The following RAB15 variants were observed in gnomAD, a reference collection of about 807,000 sequenced individuals.
RAB15 encodes RAB15, member RAS oncogene family.
Under a neutral mutation model 31.8 loss-of-function variants are expected in RAB15, and 13 were observed. The observed-to-expected ratio is 0.41, with a 90% CI of 0.27 to 0.65. RAB15 has a LOEUF of 0.65. Ranked by LOEUF, RAB15 falls within the 30% of genes least tolerant of loss-of-function variation. The pLI is 0.32. For missense variants in RAB15, 220 were observed against 277.3 expected (o/e 0.79, Z 1.47); for synonymous variants, 100 against 105.6 (o/e 0.95, Z 0.33).
Position 64,947,967 on chromosome 14 carries a change from A to C in RAB15, c.*387T>G. Reference sequence around the variant, plus strand: ...GGAGGGGAGGGGTCAGAGAAAGAGAAGTGGGGGAAGAGAGAAAAAGCAGAG... The same window carrying C: ...GGAGGGGAGGGGTCAGAGAAAGAGACGTGGGGGAAGAGAGAAAAAGCAGAG... On this transcript the variant is annotated 3_prime_UTR_variant, in exon 7 of 7. Transcript: ENST00000533601. The surrounding 1 kb of genome is among the most constrained non-coding windows in gnomAD (Gnocchi z 5.6). 1.6e-5 allele frequency: 3 copies of C among 182,568 alleles called. No homozygotes were observed. The highest frequency in any genetic ancestry group is 2.3e-5 in the African/African-American group (1 of 42,786). The allele number at this position is 182,568 out of a possible 1,614,324, so 11.3% of individuals were successfully genotyped here.
rs1015763910 is a variant in RAB15 at position 64,947,100 on chromosome 14, A to T, written c.*1254T>A. On this transcript the variant is annotated 3_prime_UTR_variant, in exon 7 of 7. Transcript: ENST00000533601. This position sits in a 1 kb window ranked among gnomAD's most constrained non-coding sequence, Gnocchi z 5.6. ...AGGGCCTTCCTTCTCTCTTCCCATGAAGTCTTTGCCCTTCTCCCATAAACT... is the reference window on the plus strand; with the variant it reads ...AGGGCCTTCCTTCTCTCTTCCCATGTAGTCTTTGCCCTTCTCCCATAAACT... 10 of 152,584 alleles carry T rather than the reference A, an allele frequency of 6.6e-5. No individual in the cohort carries two copies. The highest frequency in any genetic ancestry group is 2.2e-4 in the African/African-American group (9 of 41,424). The allele number at this position is 152,584 out of a possible 1,614,324, so 9.5% of individuals were successfully genotyped here. A position where few individuals can be genotyped will look rare whatever the true frequency, so the allele number is the denominator to read the frequency against.
In RAB15 at chr14:64,954,278, G is replaced by T. The variant is rs1886422205; in HGVS notation, c.125-1707C>A. The T allele has an allele frequency of 1.0e-6, 1 of 985,256 alleles. No homozygotes were observed. Among genetic ancestry groups the T allele is most frequent in the Non-Finnish European group, 1.2e-6 (1 of 829,928 alleles). 61.0% of individuals were successfully genotyped at this position (985,256 alleles called of 1,614,324 possible). A position where few individuals can be genotyped will look rare whatever the true frequency, so the allele number is the denominator to read the frequency against. On this transcript the variant is annotated intron_variant, in intron 1 of 6. Coordinates refer to ENST00000533601, the MANE Select transcript of RAB15 (RefSeq NM_001308154.2). The surrounding 1 kb of genome is among the most constrained non-coding windows in gnomAD (Gnocchi z 4.3). ...AAGGGAGGAAGGAGAGAAGCATCAG[G>T]CCTTGGGAAGCAGGAGTATGCTTAT...
intron 1 of RAB15, among the ~76,000 whole-genome samples, chr14:64,964,099 C>T (rs7145705): frequency 0.067 from 10,182 of 152,128 alleles, 1,121 homozygotes; most frequent in African/African-American, 0.23. Context: ...TATTATTCAA[C>T]AAAGTAGAGT....
intron 1 of RAB15, among the ~76,000 whole-genome samples, chr14:64,966,548 TAAAA>T (rs1887151955): frequency 6.6e-6 from 1 of 151,630 alleles, no homozygotes; most frequent in Non-Finnish European, 1.5e-5. Flanking sequence ...AATAAATAAA[TAAAA>T]TAATAATAAT....
rs1885938747 is a variant in RAB15, at chr14:64,946,690, A to G, written c.*1664T>C. Reference sequence around the variant, plus strand: ...AGGAAGTGAGGTTCTTATCCTTCACATATGAGTGCCCTGGATTTTGGTTCT... The same window carrying G: ...AGGAAGTGAGGTTCTTATCCTTCACGTATGAGTGCCCTGGATTTTGGTTCT... On this transcript the variant is annotated 3_prime_UTR_variant, in exon 7 of 7. Transcript: ENST00000533601. 6.6e-6 allele frequency: 1 copy of G among 152,202 alleles called. No individual in the cohort carries two copies. The highest frequency in any genetic ancestry group is 6.5e-5 in the Admixed American group (1 of 15,290). 9.4% of individuals were successfully genotyped at this position (152,202 alleles called of 1,614,324 possible).
Position 64,946,633 on chromosome 14 carries a change from TG to T in RAB15, c.*1720del, listed in dbSNP as rs1352717506. 1 of 152,240 alleles carries T rather than the reference TG, an allele frequency of 6.6e-6. No individual in the cohort carries two copies. Among genetic ancestry groups the T allele is most frequent in the African/African-American group, 2.4e-5 (1 of 41,456 alleles). 9.4% of individuals were successfully genotyped at this position (152,240 alleles called of 1,614,324 possible). On this transcript the variant is annotated 3_prime_UTR_variant, in exon 7 of 7. Coordinates refer to ENST00000533601, the MANE Select transcript of RAB15 (RefSeq NM_001308154.2). ...TGGTAAGTCAGGAGGAAAGGTTTGA[TG>T]GTTCTTTCCCCACTTCTTTTTGGAG...
chr14:64,959,146 G>C (rs1419279239), intron 1 of RAB15, among the ~76,000 whole-genome samples: 1 of 152,216 alleles, frequency 6.6e-6, no homozygotes, highest in East Asian at 1.9e-4. Context: ...AAGCGGAGAG[G>C]CCTAAGGATG....
In RAB15 at chr14:64,952,612, C is replaced by T. The variant is rs779224852; in HGVS notation, c.125-41G>A. ...AAGAAAGAAAGTTAGAAAGCGTACC[C>T]ACGAGAAATGAACAGGAAAGGGCCA... On this transcript the variant is annotated intron_variant, in intron 1 of 6. Transcript: ENST00000533601. The surrounding 1 kb of genome is among the most constrained non-coding windows in gnomAD (Gnocchi z 4.2). The T allele has an allele frequency of 4.1e-6, 6 of 1,462,576 alleles. No homozygotes were observed. Among genetic ancestry groups the T allele is most frequent in the Admixed American group, 1.7e-5 (1 of 58,106 alleles). 90.6% of individuals were successfully genotyped at this position (1,462,576 alleles called of 1,614,324 possible).
chr14:64,964,756 T>A (rs1434632810), intron 1 of RAB15, among the ~76,000 whole-genome samples: 1 of 151,812 alleles, frequency 6.6e-6, no homozygotes, highest in African/African-American at 2.4e-5. Context: ...TTTGTATTTT[T>A]AGTAGAGATG....
chr14:64,950,866 A>T lies in RAB15; in HGVS notation c.324+208T>A. ...TGGAACTAATTCATTTCCGGGAAAG[A>T]CACAGCCGTGGAGGCCTGGCAGGGT... On this transcript the variant is annotated intron_variant, in intron 4 of 6. Transcript: ENST00000533601. This position sits in a 1 kb window ranked among gnomAD's most constrained non-coding sequence, Gnocchi z 5.6. 4.2e-6 allele frequency: 4 copies of T among 962,512 alleles called. No homozygotes were observed. The Admixed American group carries it at 6.8e-5, about 16-fold the overall frequency. The allele number at this position is 962,512 out of a possible 1,614,324, so 59.6% of individuals were successfully genotyped here.
rs570212117 is a variant in RAB15 at position 64,968,152 on chromosome 14, T to A, written c.124+3801A>T. Among the ~76,000 whole-genome samples the A allele has an allele frequency of 3.3e-5, 5 of 152,292 alleles. No individual in the cohort carries two copies. In the South Asian group the frequency reaches 8.3e-4, roughly 25 times the overall value. ...AAAAACAATGAGGAATAAGATTTGG[T>A]CGCACCATCAAGGCACTTATAATTT... On this transcript the variant is annotated intron_variant, in intron 1 of 6. Transcript: ENST00000533601. This position sits in a 1 kb window ranked among gnomAD's most constrained non-coding sequence, Gnocchi z 4.9.
Position 64,950,926 on chromosome 14 carries a change from C to T in RAB15, c.324+148G>A, listed in dbSNP as rs1023579727. 10 of 1,580,654 alleles carry T rather than the reference C, an allele frequency of 6.3e-6. No homozygotes were observed. The highest frequency in any genetic ancestry group is 7.8e-6 in the Non-Finnish European group (9 of 1,153,324). ...GAGGGCATGGCAGCTTCGGTTTCTT[C>T]CCCATGTCTTACTCACCCAGAGGTC... On this transcript the variant is annotated intron_variant, in intron 4 of 6. Transcript: ENST00000533601. This position sits in a 1 kb window ranked among gnomAD's most constrained non-coding sequence, Gnocchi z 5.6.
chr14:64,951,019 C>T lies in RAB15; in HGVS notation c.324+55G>A. ...GCCTTCCCATCTGGCCCTCGCCTTG[C>T]CTTCCCCGGTGAGGCACCCTCTCCA... is the stretch of plus-strand genomic sequence containing the variant. On this transcript the variant is annotated intron_variant, in intron 4 of 6. Transcript: ENST00000533601. The surrounding 1 kb of genome is among the most constrained non-coding windows in gnomAD (Gnocchi z 7.2). 2 of 1,613,908 alleles carry T rather than the reference C, an allele frequency of 1.2e-6. No individual in the cohort carries two copies. Among genetic ancestry groups the T allele is most frequent in the Non-Finnish European group, 1.7e-6 (2 of 1,180,014 alleles).
Position 64,951,079 on chromosome 14 carries a change from C to A in RAB15, c.319G>T (p.Asp107Tyr). 2 of 1,613,152 alleles carry A rather than the reference C, an allele frequency of 1.2e-6. No individual in the cohort carries two copies. Among genetic ancestry groups the A allele is most frequent in the African/African-American group, 1.3e-5 (1 of 75,046 alleles). Reference protein sequence around the residue: ...QHIMKWVSDVDEYAPEGVQKI... With the variant: ...QHIMKWVSDVYEYAPEGVQKI... ...AGTGAGGTGGCATCTCCTACCTCAT[C>A]CACGTCACTGACCCACTTCATGATG... Residue 107 changes from aspartate (D) to tyrosine (Y), a missense_variant, in exon 4 of 7, where the codon GAT becomes TAT. Coordinates refer to ENST00000533601, the MANE Select transcript of RAB15 (RefSeq NM_001308154.2). The surrounding 1 kb of genome is among the most constrained non-coding windows in gnomAD (Gnocchi z 7.2).
At chr14:64,961,989 C>T (rs1042563019) in intron 1 of RAB15, among the ~76,000 whole-genome samples, 7 of 151,042 alleles carry the variant, frequency 4.6e-5, no homozygotes, top group South Asian at 2.1e-4. Context: ...CAGAGGCAGG[C>T]AGGTCACCTG....
intron 1 of RAB15, among the ~76,000 whole-genome samples, chr14:64,956,410 CAA>C (rs551478593): frequency 2.7e-4 from 20 of 72,852 alleles, no homozygotes; most frequent in Admixed American, 6.2e-4. Flanking sequence ...GACTTCATCT[CAA>C]AAAAAAAAAA....
At position 64,951,802 on chromosome 14, in the gene RAB15, A is replaced by C; in HGVS notation, c.186-139T>G. The C allele has an allele frequency of 1.4e-6, 1 of 736,400 alleles. No individual in the cohort carries two copies. Among genetic ancestry groups the C allele is most frequent in the Non-Finnish European group, 2.4e-6 (1 of 419,656 alleles). 45.6% of individuals were successfully genotyped at this position (736,400 alleles called of 1,614,324 possible). ...CAGGGATGCTTGGATCCCCACAGGG[A>C]TCTGCAGTCAGAGGCCTGGTCATCT... On this transcript the variant is annotated intron_variant, in intron 2 of 6. Transcript: ENST00000533601. The surrounding 1 kb of genome is among the most constrained non-coding windows in gnomAD (Gnocchi z 7.2).
Position 64,955,931 on chromosome 14 carries a change from C to T in RAB15, c.125-3360G>A, listed in dbSNP as rs973997386. Among the ~76,000 whole-genome samples the T allele has an allele frequency of 6.6e-6, 1 of 152,182 alleles. No individual in the cohort carries two copies. ...CAAACTTCCAGGTGCATGAGAATCA[C>T]GCGGGGATTGAGTTAAAATGCAGAT... On this transcript the variant is annotated intron_variant, in intron 1 of 6. Coordinates refer to ENST00000533601, the MANE Select transcript of RAB15 (RefSeq NM_001308154.2). This position sits in a 1 kb window ranked among gnomAD's most constrained non-coding sequence, Gnocchi z 4.4.
Position 64,954,335 on chromosome 14 carries a change from G to T in RAB15, c.125-1764C>A. 1 of 985,372 alleles carries T rather than the reference G, an allele frequency of 1.0e-6. No homozygotes were observed. The highest frequency in any genetic ancestry group is 1.2e-6 in the Non-Finnish European group (1 of 829,902). 61.0% of individuals were successfully genotyped at this position (985,372 alleles called of 1,614,324 possible). A position where few individuals can be genotyped will look rare whatever the true frequency, so the allele number is the denominator to read the frequency against. On this transcript the variant is annotated intron_variant, in intron 1 of 6. Transcript: ENST00000533601. This position sits in a 1 kb window ranked among gnomAD's most constrained non-coding sequence, Gnocchi z 4.3. ...CTGGATCAACGGTTATCAGGCACCT[G>T]TTTCTCCCCAGTACCTGGCATAGAA...
Sources: allele counts gnomAD v4.1 joint callset (sites outside exome capture counted in the v4.1 genomes callset), GRCh38; gene constraint gnomAD v4.1.1; non-coding constraint Gnocchi (gnomAD v3.1); transcripts MANE v1.5; gene names NCBI Gene and HGNC (gene_info 2026-07-23, HGNC 2026-07-21).